CNTNAP2: variants seen among roughly 807,000 people sequenced by gnomAD.
CNTNAP2 encodes the protein contactin-associated protein-like 2.
Under a neutral mutation model 155.2 loss-of-function variants are expected in CNTNAP2, and 98 were observed. That is an observed-to-expected ratio of 0.63 (90% CI 0.54 to 0.75). CNTNAP2 has a LOEUF of 0.75. CNTNAP2 is among the 30% of genes least tolerant of loss of function. The pLI, the probability that CNTNAP2 is intolerant of heterozygous loss-of-function variation, is 0.00. For missense variants in CNTNAP2, 1,727 were observed against 1,688.1 expected, an observed-to-expected ratio of 1.02 and a Z score of -0.40; for synonymous variants, 651 against 631.2, an observed-to-expected ratio of 1.03 and a Z score of -0.47.
intron 8 of CNTNAP2, among the ~76,000 whole-genome samples, chr7:147,156,052 C>T (rs1801919925): frequency 6.6e-6 from 1 of 152,160 alleles, no homozygotes; most frequent in Non-Finnish European, 1.5e-5. Context: ...CAAGTCCCTA[C>T]TTTTTCCTCA....
intron 20 of CNTNAP2, among the ~76,000 whole-genome samples, chr7:148,247,623 CTCTA>C (rs1204570995): frequency 7.8e-5 from 8 of 102,458 alleles, no homozygotes; most frequent in African/African-American, 2.9e-4. Flanking sequence ...CTCTCTCTCT[CTCTA>C]TTTATTTATT....
intron 3 of CNTNAP2, among the ~76,000 whole-genome samples, chr7:147,010,770 TA>T (rs1169593558): frequency 1.3e-5 from 2 of 152,150 alleles, no homozygotes; most frequent in Non-Finnish European, 2.9e-5. Context: ...AATCAAAATA[TA>T]GCAATCATTG....
chr7:147,777,701 T>G (rs1024870359), intron 13 of CNTNAP2, among the ~76,000 whole-genome samples: 2 of 152,240 alleles, frequency 1.3e-5, no homozygotes, highest in Admixed American at 6.5e-5. Context: ...ATTTAATGTT[T>G]GTATTATAAG....
chr7:147,014,065 G>A (rs373958691), intron 3 of CNTNAP2, among the ~76,000 whole-genome samples: 9 of 152,272 alleles, frequency 5.9e-5, no homozygotes, highest in African/African-American at 2.2e-4. Flanking sequence ...CTCTAACAAT[G>A]CCTCTCCACA....
At chr7:146,271,843 C>G (rs1800087222) in intron 1 of CNTNAP2, among the ~76,000 whole-genome samples, 1 of 152,038 alleles carries the variant, frequency 6.6e-6, no homozygotes, top group South Asian at 2.1e-4. Flanking sequence ...ATTGCTACAA[C>G]TTGGTTAAAA....
At chr7:147,139,006 A>T (rs532187247) in intron 8 of CNTNAP2, among the ~76,000 whole-genome samples, 22 of 152,200 alleles carry the variant, frequency 1.4e-4, no homozygotes, top group African/African-American at 5.1e-4. Context: ...GTTGATACTA[A>T]GAGAATAAAA....
intron 20 of CNTNAP2, among the ~76,000 whole-genome samples, chr7:148,248,235 G>A (rs1432824246): frequency 6.6e-6 from 1 of 150,580 alleles, no homozygotes; most frequent in Non-Finnish European, 1.5e-5. Flanking sequence ...GTCCCGCCCT[G>A]TCATCTAGGC....
chr7:146,170,451 C>T (rs1167478210), intron 1 of CNTNAP2, among the ~76,000 whole-genome samples: 1 of 152,040 alleles, frequency 6.6e-6, no homozygotes, highest in African/African-American at 2.4e-5. Context: ...TGTTATTACT[C>T]ATCTTTTTGA....
chr7:147,421,767 A>G (rs1416130006), intron 10 of CNTNAP2, among the ~76,000 whole-genome samples: 1 of 152,080 alleles, frequency 6.6e-6, no homozygotes, highest in Non-Finnish European at 1.5e-5. Context: ...GTCAATGGCT[A>G]GGGCCATTCC....
intron 1 of CNTNAP2, among the ~76,000 whole-genome samples, chr7:146,724,207 A>C (rs1022222740): frequency 6.6e-6 from 1 of 152,156 alleles, no homozygotes; most frequent in Non-Finnish European, 1.5e-5. Flanking sequence ...AACAATTTTC[A>C]GTCATCTGTA....
rs543883090 is a variant in CNTNAP2, at chr7:147,381,053, G to T, written c.1499-14556G>T. Among the ~76,000 whole-genome samples, 3 of 152,068 alleles carry T rather than the reference G, an allele frequency of 2.0e-5. No individual in the cohort carries two copies. The South Asian group carries it at 6.2e-4, about 32-fold the overall frequency. On this transcript the variant is annotated intron_variant, in intron 9 of 23. Transcript: ENST00000361727. Reference sequence around the variant, plus strand: ...AAATATTTTTAAACGTGAGAAACTTGCACGCTACTCCCTCAAAGCTGTCTA... The same window carrying T: ...AAATATTTTTAAACGTGAGAAACTTTCACGCTACTCCCTCAAAGCTGTCTA...
chr7:147,702,986 T>C (rs1021509353), intron 13 of CNTNAP2, among the ~76,000 whole-genome samples: 1 of 152,192 alleles, frequency 6.6e-6, no homozygotes, highest in Non-Finnish European at 1.5e-5. Flanking sequence ...ACTTTTGCCT[T>C]TAAGGATCAC....
intron 10 of CNTNAP2, among the ~76,000 whole-genome samples, chr7:147,419,923 G>T (rs947958670): frequency 6.6e-6 from 1 of 152,094 alleles, no homozygotes; most frequent in Non-Finnish European, 1.5e-5. Flanking sequence ...TATGCCACTT[G>T]CTGTGCTGGG....
chr7:146,622,131 A>G (rs201254937), intron 1 of CNTNAP2, among the ~76,000 whole-genome samples: 4 of 23,386 alleles, frequency 1.7e-4, no homozygotes, highest in South Asian at 1.4e-3. Flanking sequence ...ATGTATGTGT[A>G]TATATATATA....
intron 16 of CNTNAP2, among the ~76,000 whole-genome samples, chr7:148,119,559 A>T (rs1036046059): frequency 2.0e-5 from 3 of 152,062 alleles, no homozygotes; most frequent in African/African-American, 7.2e-5. Context: ...TCCCTTTGCC[A>T]AGTCTGTCCC....
At chr7:147,083,273 G>C (rs1387173269) in intron 4 of CNTNAP2, 2 of 152,004 alleles carry the variant, frequency 1.3e-5, no homozygotes, top group Non-Finnish European at 2.9e-5. Context: ...ATGGATGTTA[G>C]GTCGGCAAAC....
chr7:147,515,890 A>G (rs1464909773), intron 11 of CNTNAP2, among the ~76,000 whole-genome samples: 4 of 152,246 alleles, frequency 2.6e-5, no homozygotes, highest in Non-Finnish European at 5.9e-5. Flanking sequence ...AGCCTGATTC[A>G]GTAGATTTTT....
chr7:146,668,428 C>G (rs76552433), intron 1 of CNTNAP2, among the ~76,000 whole-genome samples: 434 of 115,570 alleles, frequency 3.8e-3, no homozygotes, highest in African/African-American at 0.012. Flanking sequence ...TGTAATTTTC[C>G]TGTGTGTGTG....
chr7:148,183,455 T>C lies in CNTNAP2; in HGVS notation c.3010+10977T>C, dbSNP rs149537398. 4.5e-3 allele frequency among the ~76,000 whole-genome samples: 676 copies of C among 151,794 alleles called. 7 individuals are homozygous for C. The highest frequency in any genetic ancestry group is 0.015 in the African/African-American group (640 of 41,366). ...GTCTTTGAAATAATACAATTGATAT[T>C]TACAAGAAATACTTATTTGCTTTTT... On this transcript the variant is annotated intron_variant, in intron 18 of 23. Coordinates refer to ENST00000361727, the MANE Select transcript of CNTNAP2 (RefSeq NM_014141.6).
Sources: gnomAD v4.1 joint callset for allele counts (sites outside exome capture counted in the v4.1 genomes callset) on GRCh38, gnomAD v4.1.1 for gene constraint, MANE v1.5 for transcripts, NCBI Gene and HGNC (gene_info 2026-07-23, HGNC 2026-07-21) for gene names.